FLRT2: variants seen among roughly 807,000 people sequenced by gnomAD.
The protein encoded by FLRT2 is leucine-rich repeat transmembrane protein FLRT2.
FLRT2 carries 15 observed loss-of-function variants against 40.0 expected under a neutral mutation model. That is an observed-to-expected ratio of 0.38 (90% CI 0.25 to 0.58). The LOEUF (loss-of-function observed/expected upper bound fraction) is 0.58. FLRT2 is among the 20% of genes least tolerant of loss of function. The probability of loss-of-function intolerance (pLI) is 0.71; values close to 1 mark genes in which losing one functional copy is unlikely to be tolerated. For synonymous variants in FLRT2, 380 were observed against 336.8 expected (o/e 1.13, Z -1.41); for missense variants, 726 against 840.0 (o/e 0.86, Z 1.68).
At chr14:85,538,031 CT>C (rs1316399298) in intron 1 of FLRT2, among the ~76,000 whole-genome samples, 5 of 152,078 alleles carry the variant, frequency 3.3e-5, no homozygotes, top group African/African-American at 4.8e-5. Flanking sequence ...TGTAAAACAT[CT>C]TTCTAAAAGA....
intron 1 of FLRT2, among the ~76,000 whole-genome samples, chr14:85,558,823 T>G (rs1890136343): frequency 6.6e-6 from 1 of 152,246 alleles, no homozygotes; most frequent in Non-Finnish European, 1.5e-5. Flanking sequence ...ATGGTTTGTC[T>G]TTAGAGTGAT....
rs1894267695 is a variant in FLRT2 at position 85,645,244 on chromosome 14, GTA to G, written c.*21750_*21751del. ...TGTGTATATATGTATATACATATAT[GTA>G]TACATGTGTATATATGTATACATGT... On this transcript the variant is annotated 3_prime_UTR_variant, in exon 2 of 2. Transcript: ENST00000330753. The G allele has an allele frequency of 3.0e-5, 3 of 100,302 alleles. No homozygotes were observed. The highest frequency in any genetic ancestry group is 1.2e-4 in the African/African-American group (3 of 24,064). The allele number at this position is 100,302 out of a possible 1,614,324, so 6.2% of individuals were successfully genotyped here. A position where few individuals can be genotyped will look rare whatever the true frequency, so the allele number is the denominator to read the frequency against.
intron 1 of FLRT2, among the ~76,000 whole-genome samples, chr14:85,602,513 C>A (rs1197637784): frequency 5.9e-5 from 9 of 152,190 alleles, no homozygotes; most frequent in Non-Finnish European, 1.3e-4. Flanking sequence ...TTGTCTTCCT[C>A]CGGGTTTGTT....
chr14:85,654,107 T>A lies in FLRT2; in HGVS notation c.*30610T>A, dbSNP rs1894494425. ...ATATTAAAATACAAATTCGTAAAGA[T>A]AATACCTTGATGTTTATGTCTATGC... On this transcript the variant is annotated 3_prime_UTR_variant, in exon 2 of 2. Transcript: ENST00000330753. The A allele has an allele frequency of 6.6e-6, 1 of 152,198 alleles. No individual in the cohort carries two copies. Among genetic ancestry groups the A allele is most frequent in the South Asian group, 2.1e-4 (1 of 4,826 alleles). 9.4% of individuals were successfully genotyped at this position (152,198 alleles called of 1,614,324 possible).
chr14:85,621,985 G>T lies in FLRT2; in HGVS notation c.471G>T (p.Glu157Asp). ...GGGTGGAAGACGGGGCCTTCCGGGA[G>T]GCTATTAGCCTCAAATTGTTGTTTT... ...TVGVEDGAFR[E>D]AISLKLLFLS... Residue 157 changes from glutamate to aspartate, a missense_variant, in exon 2 of 2, where the codon GAG becomes GAT. Around this residue, in one of 3 missense-constraint regions of FLRT2, gnomAD observed 611 missense variants for 690.0 expected, o/e 0.89. Coordinates refer to ENST00000330753, the MANE Select transcript of FLRT2 (RefSeq NM_013231.6). 1 of 1,603,284 alleles carries T rather than the reference G, an allele frequency of 6.2e-7. No homozygotes were observed. Among genetic ancestry groups the T allele is most frequent in the Non-Finnish European group, 8.5e-7 (1 of 1,174,662 alleles).
intron 1 of FLRT2, among the ~76,000 whole-genome samples, chr14:85,570,552 TTTTA>T (rs1174377946): frequency 2.2e-4 from 30 of 134,074 alleles, no homozygotes; most frequent in African/African-American, 6.4e-4. Context: ...TTCTCCTTAT[TTTTA>T]TTTATTTTAT....
At chr14:85,604,424 A>G (rs1189911253) in intron 1 of FLRT2, among the ~76,000 whole-genome samples, 2 of 152,160 alleles carry the variant, frequency 1.3e-5, no homozygotes, top group African/African-American at 4.8e-5. Flanking sequence ...AAGCACTCGA[A>G]TCATATCTTT....
rs576235538 is a variant in FLRT2 at position 85,632,684 on chromosome 14, T to A, written c.*9187T>A. On this transcript the variant is annotated 3_prime_UTR_variant, in exon 2 of 2. Coordinates refer to ENST00000330753, the MANE Select transcript of FLRT2 (RefSeq NM_013231.6). ...TCATATCCCATATAAAAATACAGCA[T>A]ATATCATTTAAAGGTTCACATTGTG... 1 of 152,222 alleles carries A rather than the reference T, an allele frequency of 6.6e-6. No individual in the cohort carries two copies. Among genetic ancestry groups the A allele is most frequent in the African/African-American group, 2.4e-5 (1 of 41,552 alleles). 9.4% of individuals were successfully genotyped at this position (152,222 alleles called of 1,614,324 possible). A position where few individuals can be genotyped will look rare whatever the true frequency, so the allele number is the denominator to read the frequency against.
rs1326501972 is a variant in FLRT2, at chr14:85,649,423, G to A, written c.*25926G>A. ...CAAGAAGATAATCAGGAACCAAGAT[G>A]GATATGTGTGTCTTGAGGCAGAACT... On this transcript the variant is annotated 3_prime_UTR_variant, in exon 2 of 2. Transcript: ENST00000330753. 1 of 152,060 alleles carries A rather than the reference G, an allele frequency of 6.6e-6. No homozygotes were observed. Among genetic ancestry groups the A allele is most frequent in the Non-Finnish European group, 1.5e-5 (1 of 67,964 alleles). The allele number at this position is 152,060 out of a possible 1,614,324, so 9.4% of individuals were successfully genotyped here.
intron 1 of FLRT2, among the ~76,000 whole-genome samples, chr14:85,567,622 G>C (rs1890684239): frequency 1.3e-5 from 2 of 150,474 alleles, no homozygotes; most frequent in African/African-American, 2.4e-5. Context: ...CTAGCACACG[G>C]GAAGTGACTT....
At chr14:85,530,970 G>C (rs934930907) in intron 1 of FLRT2, among the ~76,000 whole-genome samples, 1 of 152,116 alleles carries the variant, frequency 6.6e-6, no homozygotes. Context: ...TCAGGCTGTT[G>C]TATCTAAAGA....
In FLRT2 at chr14:85,633,375, T is replaced by C. The variant is rs1411486399; in HGVS notation, c.*9878T>C. ...GAACAGACTTCTTTATAATGTAGCA[T>C]ATATTCTATCTGGTTGCTAGAGTAC... On this transcript the variant is annotated 3_prime_UTR_variant, in exon 2 of 2. Transcript: ENST00000330753. The C allele has an allele frequency of 6.6e-6, 1 of 152,178 alleles. No individual in the cohort carries two copies. Among genetic ancestry groups the C allele is most frequent in the Non-Finnish European group, 1.5e-5 (1 of 68,030 alleles). The allele number at this position is 152,178 out of a possible 1,614,324, so 9.4% of individuals were successfully genotyped here.
intron 1 of FLRT2, among the ~76,000 whole-genome samples, chr14:85,597,236 A>G (rs964543483): frequency 6.6e-6 from 1 of 152,176 alleles, no homozygotes; most frequent in South Asian, 2.1e-4. Context: ...TCAGGCCATG[A>G]GAGAAAGATG....
chr14:85,547,835 T>A (rs1889370477), intron 1 of FLRT2, among the ~76,000 whole-genome samples: 1 of 152,202 alleles, frequency 6.6e-6, no homozygotes, highest in Non-Finnish European at 1.5e-5. Context: ...TCAGTCAATA[T>A]GTGTAAGATG....
At chr14:85,556,023 A>C (rs550639710) in intron 1 of FLRT2, among the ~76,000 whole-genome samples, 1 of 152,354 alleles carries the variant, frequency 6.6e-6, no homozygotes, top group East Asian at 1.9e-4. Context: ...TACAGACGGA[A>C]GGCATGTAAT....
chr14:85,558,089 C>T (rs991129537), intron 1 of FLRT2, among the ~76,000 whole-genome samples: 9 of 149,902 alleles, frequency 6.0e-5, no homozygotes, highest in Non-Finnish European at 1.2e-4. Context: ...GTAGAAAGCA[C>T]TGATGATGTT....
intron 1 of FLRT2, among the ~76,000 whole-genome samples, chr14:85,613,456 A>T (rs1892987833): frequency 6.6e-6 from 1 of 152,318 alleles, no homozygotes; most frequent in Non-Finnish European, 1.5e-5. Flanking sequence ...GGGACTATTC[A>T]TCCATCGCTC....
In FLRT2 at chr14:85,650,959, C is replaced by T. The variant is rs1894418097; in HGVS notation, c.*27462C>T. On this transcript the variant is annotated 3_prime_UTR_variant, in exon 2 of 2. Coordinates refer to ENST00000330753, the MANE Select transcript of FLRT2 (RefSeq NM_013231.6). The stretch of plus-strand genomic sequence containing the variant: ...ACTCCTGGGCTCAAGAGATACTCTC[C>T]TGCCTTGGTTTCCTAAAGTGCTGGG... 2.0e-5 allele frequency: 3 copies of T among 151,988 alleles called. No homozygotes were observed. Among genetic ancestry groups the T allele is most frequent in the Admixed American group, 2.0e-4 (3 of 15,212 alleles). 9.4% of individuals were successfully genotyped at this position (151,988 alleles called of 1,614,324 possible).
chr14:85,533,520 C>A (rs993500743), intron 1 of FLRT2, among the ~76,000 whole-genome samples: 2 of 152,110 alleles, frequency 1.3e-5, no homozygotes, highest in Non-Finnish European at 2.9e-5. Context: ...TCCTCCAAAT[C>A]CGAGGAGCTC....
Sources: gnomAD v4.1 joint callset for allele counts (sites outside exome capture counted in the v4.1 genomes callset) on GRCh38, gnomAD v4.1.1 for gene constraint, gnomAD v4.1.1 regional missense constraint, MANE v1.5 for transcripts, NCBI Gene and HGNC (gene_info 2026-07-23, HGNC 2026-07-21) for gene names.